Variants in GABBR2 observed in about 807,000 individuals in gnomAD.
The protein encoded by GABBR2 is G-protein coupled receptor 51.
A neutral mutation model predicts 105.6 loss-of-function variants in GABBR2; 23 were observed. The observed-to-expected ratio is 0.22, with a 90% CI of 0.16 to 0.31. The LOEUF is 0.31. Among genes scored for constraint, GABBR2 ranks in the 10% least tolerant of loss-of-function variants. The pLI, the probability that GABBR2 is intolerant of heterozygous loss-of-function variation, is 1.00. For missense variants in GABBR2, 734 were observed against 1,245.5 expected, an observed-to-expected ratio of 0.59 and a Z score of 6.18; for synonymous variants, 478 against 499.7, an observed-to-expected ratio of 0.96 and a Z score of 0.58.
chr9:98,291,810 G>T (rs1418802921), intron 18 of GABBR2, among the ~76,000 whole-genome samples: 1 of 152,180 alleles, frequency 6.6e-6, no homozygotes, highest in Admixed American at 6.5e-5. Context: ...TCTCCTTCAA[G>T]ATCCAGTTTA....
chr9:98,508,773 A>G (rs200824325), intron 3 of GABBR2, among the ~76,000 whole-genome samples: 75,831 of 150,634 alleles, frequency 0.5, 19,882 homozygotes, highest in East Asian at 0.77. Flanking sequence ...GCGGCAGGAA[A>G]CTCCAACTGG....
At chr9:98,472,301 G>A (rs1826700052) in intron 6 of GABBR2, among the ~76,000 whole-genome samples, 1 of 152,180 alleles carries the variant, frequency 6.6e-6, no homozygotes, top group African/African-American at 2.4e-5. Flanking sequence ...ATAGAGAATG[G>A]TGTGCTTTGG....
chr9:98,362,693 C>G, intron 13 of GABBR2, 22 bp downstream of exon 13: 1 of 1,488,238 alleles, frequency 6.7e-7, no homozygotes, highest in South Asian at 1.5e-5. Flanking sequence ...AGGCTTCCCT[C>G]CTGCCGGCAT....
chr9:98,350,540 A>C (rs1831380458), intron 13 of GABBR2, among the ~76,000 whole-genome samples: 2 of 152,126 alleles, frequency 1.3e-5, no homozygotes, highest in African/African-American at 4.8e-5. Flanking sequence ...ATGTTTCTGT[A>C]CAGTTTCCAA....
chr9:98,705,780 A>T (rs1452387154), intron 1 of GABBR2, among the ~76,000 whole-genome samples: 1 of 152,192 alleles, frequency 6.6e-6, no homozygotes, highest in Non-Finnish European at 1.5e-5. Context: ...ACAGGAAATA[A>T]AAATGAAGGA....
intron 1 of GABBR2, among the ~76,000 whole-genome samples, chr9:98,595,659 C>T (rs1021462546): frequency 5.3e-5 from 5 of 94,440 alleles, no homozygotes; most frequent in African/African-American, 2.3e-4. Context: ...TGATACTTTA[C>T]AAAAAAACAA....
At chr9:98,655,599 A>G (rs1167465383) in intron 1 of GABBR2, among the ~76,000 whole-genome samples, 6 of 152,224 alleles carry the variant, frequency 3.9e-5, no homozygotes, top group East Asian at 3.9e-4. Flanking sequence ...ACGCCCATCA[A>G]TGATAGACTG....
intron 12 of GABBR2, among the ~76,000 whole-genome samples, chr9:98,367,311 A>AAAT (rs1554695835): frequency 5.3e-5 from 8 of 151,286 alleles, no homozygotes; most frequent in African/African-American, 2.0e-4. Context: ...AAAAAAAAAA[A>AAAT]AAAATAAGGG....
intron 13 of GABBR2, among the ~76,000 whole-genome samples, chr9:98,348,108 G>C (rs1033443567): frequency 2.6e-5 from 4 of 152,134 alleles, no homozygotes; most frequent in African/African-American, 9.7e-5. Context: ...TATTAGCAGT[G>C]TGAGAGCAGA....
At chr9:98,477,943 G>C (rs1564085408) in intron 5 of GABBR2, among the ~76,000 whole-genome samples, 1 of 152,160 alleles carries the variant, frequency 6.6e-6, no homozygotes, top group Non-Finnish European at 1.5e-5. Flanking sequence ...CTGGGGACCA[G>C]AGATGTAAAG....
intron 3 of GABBR2, among the ~76,000 whole-genome samples, chr9:98,517,800 C>G (rs2131707283): frequency 6.6e-6 from 1 of 152,238 alleles, no homozygotes; most frequent in South Asian, 2.1e-4. Context: ...CCAATGGGAG[C>G]CCGGCAGGAG....
intron 17 of GABBR2, among the ~76,000 whole-genome samples, chr9:98,294,403 A>AT (rs1490026312): frequency 6.6e-6 from 1 of 152,010 alleles, no homozygotes; most frequent in Non-Finnish European, 1.5e-5. Flanking sequence ...AAAAGGACCT[A>AT]TTTTTTACCC....
At chr9:98,503,712 T>C (rs1376569406) in intron 3 of GABBR2, among the ~76,000 whole-genome samples, 1 of 152,100 alleles carries the variant, frequency 6.6e-6, no homozygotes, top group Non-Finnish European at 1.5e-5. Context: ...ACAGTTTCCA[T>C]GGTGAGGAAT....
rs1360610813 is a variant in GABBR2, at chr9:98,662,821, C to T, written c.321+45596G>A. 3.3e-5 allele frequency among the ~76,000 whole-genome samples: 5 copies of T among 152,168 alleles called. No homozygotes were observed. The East Asian group carries it at 9.6e-4, about 29-fold the overall frequency. ...TGCCCACCCCAGGCACGTGTATCCC[C>T]CCATCTCTTCCTGACCACCAGGCCA... On this transcript the variant is annotated intron_variant, in intron 1 of 18. Transcript: ENST00000259455.
intron 1 of GABBR2, among the ~76,000 whole-genome samples, chr9:98,644,851 A>G (rs1305981312): frequency 1.3e-5 from 2 of 152,154 alleles, no homozygotes; most frequent in Non-Finnish European, 2.9e-5. Flanking sequence ...AAAATAAAAA[A>G]CAAAAGAAGA....
At chr9:98,687,736 C>T (rs1337609687) in intron 1 of GABBR2, among the ~76,000 whole-genome samples, 5 of 152,298 alleles carry the variant, frequency 3.3e-5, no homozygotes, top group Admixed American at 6.5e-5. Flanking sequence ...CTTGGCACCA[C>T]CCACACACAA....
At chr9:98,628,101 A>G (rs775106551) in intron 1 of GABBR2, among the ~76,000 whole-genome samples, 2 of 152,258 alleles carry the variant, frequency 1.3e-5, no homozygotes, top group Non-Finnish European at 2.9e-5. Flanking sequence ...ACAAGTAGCA[A>G]TTGAAAAGTT....
At chr9:98,385,556 T>C in intron 11 of GABBR2, 84 bp downstream of exon 11, 1 of 1,069,360 alleles carries the variant, frequency 9.4e-7, no homozygotes, top group Middle Eastern at 2.0e-4. Flanking sequence ...CATGTATTTC[T>C]GGGTTTGCAT....
intron 7 of GABBR2, among the ~76,000 whole-genome samples, chr9:98,443,932 C>T (rs78368542): frequency 8.3e-4 from 127 of 152,344 alleles, no homozygotes; most frequent in African/African-American, 2.9e-3. Context: ...ACTACTCCTA[C>T]CTGGCCCTGG....
Sources: allele counts gnomAD v4.1 joint callset (sites outside exome capture counted in the v4.1 genomes callset), GRCh38; gene constraint gnomAD v4.1.1; transcripts MANE v1.5; gene names NCBI Gene and HGNC (gene_info 2026-07-23, HGNC 2026-07-21).